SNRNP40: variants seen among roughly 807,000 people sequenced by gnomAD.
SNRNP40 encodes small nuclear ribonucleoprotein U5 subunit 40.
In SNRNP40, 21 loss-of-function variants were observed where a neutral mutation model predicts 45.8. The observed-to-expected ratio is 0.46, with a 90% CI of 0.32 to 0.66. The LOEUF is 0.66. Among genes scored for constraint, SNRNP40 ranks in the 30% least tolerant of loss-of-function variants. The pLI is 0.03. For missense variants in SNRNP40, 344 were observed against 439.1 expected, an observed-to-expected ratio of 0.78 and a Z score of 1.94; for synonymous variants, 142 against 163.8, an observed-to-expected ratio of 0.87 and a Z score of 1.01.
At chr1:31,291,873 T>C (rs1646110330) in intron 3 of SNRNP40, 40 bp downstream of exon 3, 8 of 1,144,070 alleles carry the variant, frequency 7.0e-6, no homozygotes, top group Non-Finnish European at 1.0e-5. Flanking sequence ...CGCCAAGAAT[T>C]AGTATGAGAA....
intron 5 of SNRNP40, among the ~76,000 whole-genome samples, chr1:31,275,615 C>A (rs1645969221): frequency 6.6e-6 from 1 of 152,162 alleles, no homozygotes; most frequent in African/African-American, 2.4e-5. Context: ...GTCTGGAACT[C>A]CCGGCCTCAA....
chr1:31,266,992 T>C (rs1035464247), intron 8 of SNRNP40, among the ~76,000 whole-genome samples: 1 of 152,224 alleles, frequency 6.6e-6, no homozygotes, highest in Non-Finnish European at 1.5e-5. Context: ...AGTTTAGATG[T>C]ATGAAATGGG....
rs996753805 is a variant in SNRNP40, at chr1:31,293,054, C to T, written c.271+165G>A. 1.2e-5 allele frequency: 8 copies of T among 672,886 alleles called. No homozygotes were observed. The African/African-American group carries it at 1.3e-4, about 11-fold the overall frequency. The allele number at this position is 672,886 out of a possible 1,614,324, so 41.7% of individuals were successfully genotyped here. A position where few individuals can be genotyped will look rare whatever the true frequency, so the allele number is the denominator to read the frequency against. On this transcript the variant is annotated intron_variant, in intron 2 of 9. Transcript: ENST00000263694. The stretch of plus-strand genomic sequence containing the variant: ...TTTACCCCATGGACTCCAAGTTCTA[C>T]ACCCAAGATCATTCAGCATGTTCAT...
chr1:31,295,986 G>A (rs771639207), intron 1 of SNRNP40, among the ~76,000 whole-genome samples: 9 of 152,214 alleles, frequency 5.9e-5, no homozygotes, highest in Non-Finnish European at 1.0e-4. Flanking sequence ...TACAAAAAAT[G>A]TAGTTAGGAG....
chr1:31,289,913 C>T (rs1448409463), intron 3 of SNRNP40, among the ~76,000 whole-genome samples: 1 of 152,094 alleles, frequency 6.6e-6, no homozygotes, highest in East Asian at 1.9e-4. Context: ...TGCTCTGTCA[C>T]CCGGGTTGGA....
intron 5 of SNRNP40, among the ~76,000 whole-genome samples, chr1:31,274,645 TAAAAAAAAA>T (rs368995037): frequency 9.8e-5 from 11 of 112,036 alleles, no homozygotes; most frequent in Admixed American, 4.9e-4. Context: ...ACCATTACAT[TAAAAAAAAA>T]AAAAAAAAAA....
At chr1:31,289,207 C>T (rs1412553500) in intron 4 of SNRNP40, 47 bp downstream of exon 4, 2 of 1,581,660 alleles carry the variant, frequency 1.3e-6, no homozygotes, top group South Asian at 2.3e-5. Flanking sequence ...AGATAAGGTT[C>T]ACATCACATC....
At chr1:31,269,696 A>G in intron 6 of SNRNP40, 1 of 220,434 alleles carries the variant, frequency 4.5e-6, no homozygotes, top group East Asian at 9.6e-5. Context: ...CTAAGACTGG[A>G]CAAGGTCAGA....
At chr1:31,263,244 A>G (rs1645872867) in intron 8 of SNRNP40, 1 of 152,144 alleles carries the variant, frequency 6.6e-6, no homozygotes, top group Non-Finnish European at 1.5e-5. Flanking sequence ...TTCCTTATTC[A>G]TTCTATAGTA....
chr1:31,282,654 GTCTA>G (rs984852222), intron 4 of SNRNP40, among the ~76,000 whole-genome samples: 1 of 151,116 alleles, frequency 6.6e-6, no homozygotes, highest in African/African-American at 2.4e-5. Context: ...GTATCTATGT[GTCTA>G]TCTATCTATC....
chr1:31,261,827 G>C (rs1157494264), intron 8 of SNRNP40, 195 bp from the exon 9 acceptor site: 1 of 438,544 alleles, frequency 2.3e-6, no homozygotes, highest in African/African-American at 2.0e-5. Context: ...ATGGGGTGGA[G>C]AAATAAGAAT....
chr1:31,262,521 CAAAAAAAAAAAAAA>C (rs57503418), intron 8 of SNRNP40, among the ~76,000 whole-genome samples: 1 of 40,618 alleles, frequency 2.5e-5, no homozygotes, highest in East Asian at 5.5e-4. Context: ...ACTCCATCTC[CAAAAAAAAAAAAAA>C]AAAAAAAAAG....
At position 31,296,711 on chromosome 1, in the gene SNRNP40, A is replaced by T. The variant is rs1387323861; in HGVS notation, c.41T>A (p.Leu14Gln). ...QQKRKGPELP[L>Q]VPVKRQRHEL... ...ATGCCGCTGCCGCTTGACTGGAACC[A>T]GCGGCAACTCTGGGCCCTTACGCTT... The change falls in exon 1 of 10, where the codon CTG (leucine) becomes CAG (glutamine). Residue 14 changes from leucine (L) to glutamine (Q), a missense_variant. Transcript: ENST00000263694. 2 of 1,613,654 alleles carry T rather than the reference A, an allele frequency of 1.2e-6. No homozygotes were observed. The highest frequency in any genetic ancestry group is 1.7e-6 in the Non-Finnish European group (2 of 1,179,788).
At chr1:31,271,575 T>A in intron 5 of SNRNP40, 76 bp from the exon 6 acceptor site, 1 of 1,419,878 alleles carries the variant, frequency 7.0e-7, no homozygotes, top group Non-Finnish European at 9.6e-7. Context: ...GAGACAAGAG[T>A]CAATTGCCCA....
chr1:31,283,954 T>G (rs1312051152), intron 4 of SNRNP40, among the ~76,000 whole-genome samples: 1 of 152,196 alleles, frequency 6.6e-6, no homozygotes, highest in East Asian at 1.9e-4. Context: ...CCAGGTATGG[T>G]GGCTCATGCC....
Position 31,259,777 on chromosome 1 carries a change from A to T in SNRNP40, c.*295T>A, listed in dbSNP as rs1802476. On this transcript the variant is annotated 3_prime_UTR_variant, in exon 10 of 10. Coordinates refer to ENST00000263694, the MANE Select transcript of SNRNP40 (RefSeq NM_004814.3). Reference sequence around the variant, plus strand: ...TTACAAAAAAAAAAAAAAAATCCCAACCAACAAATTTGTCACATTGGGCCT... The same window carrying T: ...TTACAAAAAAAAAAAAAAAATCCCATCCAACAAATTTGTCACATTGGGCCT... 1.8e-6 allele frequency: 1 copy of T among 550,398 alleles called. No individual in the cohort carries two copies. The highest frequency in any genetic ancestry group is 3.3e-6 in the Non-Finnish European group (1 of 299,174). The allele number at this position is 550,398 out of a possible 1,614,324, so 34.1% of individuals were successfully genotyped here. A position where few individuals can be genotyped will look rare whatever the true frequency, so the allele number is the denominator to read the frequency against.
chr1:31,293,855 GCCA>G (rs539313295), intron 1 of SNRNP40, among the ~76,000 whole-genome samples: 24 of 152,208 alleles, frequency 1.6e-4, no homozygotes, highest in African/African-American at 4.3e-4. Context: ...ATAGGAATGA[GCCA>G]CCACATTTGG....
chr1:31,272,890 T>C (rs929755841), intron 5 of SNRNP40, among the ~76,000 whole-genome samples: 2 of 152,228 alleles, frequency 1.3e-5, no homozygotes, highest in Non-Finnish European at 2.9e-5. Context: ...TCACTGGTAT[T>C]ACATAAAATA....
At chr1:31,286,962 G>A (rs968152026) in intron 4 of SNRNP40, among the ~76,000 whole-genome samples, 1 of 152,186 alleles carries the variant, frequency 6.6e-6, no homozygotes, top group African/African-American at 2.4e-5. Context: ...CATACACGCA[G>A]TATTTCACTT....
Sources: allele counts gnomAD v4.1 joint callset (sites outside exome capture counted in the v4.1 genomes callset), GRCh38; gene constraint gnomAD v4.1.1; transcripts MANE v1.5; gene names NCBI Gene and HGNC (gene_info 2026-07-23, HGNC 2026-07-21).